KCND3: variants seen among roughly 807,000 people sequenced by gnomAD.
KCND3 encodes the protein A-type voltage-gated potassium channel KCND3.
A neutral mutation model predicts 51.1 loss-of-function variants in KCND3; 9 were observed. That is an observed-to-expected ratio of 0.18 (90% CI 0.11 to 0.31). The LOEUF (loss-of-function observed/expected upper bound fraction) is 0.31, where lower values mean the gene tolerates loss of function less well. Ranked by LOEUF, KCND3 falls within the 10% of genes least tolerant of loss-of-function variation. The pLI is 1.00. For synonymous variants in KCND3, 349 were observed against 368.0 expected, an observed-to-expected ratio of 0.95 and a Z score of 0.59; for missense variants, 526 against 903.8, an observed-to-expected ratio of 0.58 and a Z score of 5.36.
intron 2 of KCND3, among the ~76,000 whole-genome samples, chr1:111,808,011 T>G (rs1665661143): frequency 6.6e-6 from 1 of 152,102 alleles, no homozygotes; most frequent in African/African-American, 2.4e-5. Context: ...ATTCTAGAAC[T>G]AAAAAGCACA....
chr1:111,895,708 C>G (rs566057138), intron 2 of KCND3, among the ~76,000 whole-genome samples: 23 of 152,282 alleles, frequency 1.5e-4, no homozygotes, highest in Non-Finnish European at 2.6e-4. Flanking sequence ...GCGCGCCTGC[C>G]GTGGGGAGTG....
Position 111,775,884 on chromosome 1 carries a change from G to A in KCND3, c.*193C>T, listed in dbSNP as rs72548735. On this transcript the variant is annotated 3_prime_UTR_variant, in exon 8 of 8. Transcript: ENST00000302127. ...TGCAGTATCACAGGGCTATGTCCAC[G>A]CTAGCAGCGTGAACCTCAGGTGCCC... The A allele has an allele frequency of 8.7e-4, 406 of 467,058 alleles. 2 individuals carry two copies. Among genetic ancestry groups the A allele is most frequent in the African/African-American group, 7.6e-3 (332 of 43,922 alleles). The allele number at this position is 467,058 out of a possible 1,614,324, so 28.9% of individuals were successfully genotyped here. A position where few individuals can be genotyped will look rare whatever the true frequency, so the allele number is the denominator to read the frequency against.
intron 2 of KCND3, among the ~76,000 whole-genome samples, chr1:111,888,507 C>T (rs1669669490): frequency 1.3e-5 from 2 of 151,930 alleles, no homozygotes; most frequent in Non-Finnish European, 2.9e-5. Context: ...CATGGAGAAA[C>T]CCAGTCTCTA....
chr1:111,844,410 T>C (rs1667460037), intron 2 of KCND3, among the ~76,000 whole-genome samples: 1 of 152,076 alleles, frequency 6.6e-6, no homozygotes, highest in Admixed American at 6.5e-5. Flanking sequence ...CACACGTCTA[T>C]CCTCTTTTTG....
At chr1:111,972,876 C>T (rs1006734426) in intron 2 of KCND3, among the ~76,000 whole-genome samples, 1 of 152,170 alleles carries the variant, frequency 6.6e-6, no homozygotes, top group Non-Finnish European at 1.5e-5. Context: ...TTGTGCTGTC[C>T]ATGGTTTTGA....
intron 2 of KCND3, among the ~76,000 whole-genome samples, chr1:111,943,828 G>A (rs1672649242): frequency 6.6e-6 from 1 of 152,212 alleles, no homozygotes. Context: ...GGAAGAAACT[G>A]ATGCTGAGGA....
intron 2 of KCND3, among the ~76,000 whole-genome samples, chr1:111,828,611 C>T (rs1381015220): frequency 1.3e-5 from 2 of 152,246 alleles, no homozygotes; most frequent in East Asian, 1.9e-4. Flanking sequence ...CTGAGTAGGA[C>T]CTATCTTCAC....
In KCND3 at chr1:111,780,616, T is replaced by C. The variant is rs1200503998; in HGVS notation, c.1371+74A>G. 4.7e-6 allele frequency: 6 copies of C among 1,281,452 alleles called. No homozygotes were observed. The highest frequency in any genetic ancestry group is 6.7e-6 in the Non-Finnish European group (6 of 899,710). 79.4% of individuals were successfully genotyped at this position (1,281,452 alleles called of 1,614,324 possible). A position where few individuals can be genotyped will look rare whatever the true frequency, so the allele number is the denominator to read the frequency against. ...CATACTGGGGCTCTGGTGAGAGTGC[T>C]GGTGTCCCGGGAAAGAGAAAACAAG... On this transcript the variant is annotated intron_variant, in intron 4 of 7. Transcript: ENST00000302127. The surrounding 1 kb of genome is among the most constrained non-coding windows in gnomAD (Gnocchi z 4.2).
At chr1:111,823,001 T>G (rs1235159941) in intron 2 of KCND3, among the ~76,000 whole-genome samples, 4 of 152,202 alleles carry the variant, frequency 2.6e-5, no homozygotes, top group Non-Finnish European at 4.4e-5. Context: ...TCACACGGTT[T>G]ATAAGTGTGG....
intron 2 of KCND3, among the ~76,000 whole-genome samples, chr1:111,967,714 A>G (rs1165764624): frequency 6.6e-6 from 1 of 152,244 alleles, no homozygotes; most frequent in African/African-American, 2.4e-5. Context: ...TATCCAGGCT[A>G]CTGGGCTAAT....
intron 2 of KCND3, among the ~76,000 whole-genome samples, chr1:111,815,389 C>T (rs1666041223): frequency 6.6e-6 from 1 of 151,908 alleles, no homozygotes; most frequent in Admixed American, 6.6e-5. Context: ...TTCTCTGAAT[C>T]CTCTTCCCAA....
At chr1:111,862,719 G>T (rs1668392678) in intron 2 of KCND3, among the ~76,000 whole-genome samples, 1 of 152,188 alleles carries the variant, frequency 6.6e-6, no homozygotes, top group Non-Finnish European at 1.5e-5. Context: ...CTTCTCTGTA[G>T]AGTAGGGACA....
chr1:111,838,679 AAACAAC>A (rs376997509), intron 2 of KCND3, among the ~76,000 whole-genome samples: 3 of 151,838 alleles, frequency 2.0e-5, no homozygotes, highest in African/African-American at 2.4e-5. Flanking sequence ...ACAAAAGCAA[AAACAAC>A]AACAACAACA....
intron 2 of KCND3, among the ~76,000 whole-genome samples, chr1:111,826,194 C>G (rs183081054): frequency 1.3e-4 from 20 of 152,184 alleles, no homozygotes; most frequent in Admixed American, 1.2e-3. Flanking sequence ...TGCACGAGCT[C>G]TTTATATATT....
intron 2 of KCND3, among the ~76,000 whole-genome samples, chr1:111,901,251 T>C (rs910906415): frequency 6.6e-6 from 1 of 152,206 alleles, no homozygotes; most frequent in Non-Finnish European, 1.5e-5. Flanking sequence ...TGTGTTATAT[T>C]GCATTCCATT....
chr1:111,772,945 A>C lies in KCND3; in HGVS notation c.*3132T>G, dbSNP rs1054459480. On this transcript the variant is annotated 3_prime_UTR_variant, in exon 8 of 8. Coordinates refer to ENST00000302127, the MANE Select transcript of KCND3 (RefSeq NM_001378969.1). ...CACTGGCCAATGAGTTAGACTTATG[A>C]AACCAATTCAGCATACTTTGGACCT... is the stretch of plus-strand genomic sequence containing the variant. 8.5e-5 allele frequency: 13 copies of C among 152,240 alleles called. No homozygotes were observed. Among genetic ancestry groups the C allele is most frequent in the Admixed American group, 4.6e-4 (7 of 15,282 alleles). The allele number at this position is 152,240 out of a possible 1,614,324, so 9.4% of individuals were successfully genotyped here. A position where few individuals can be genotyped will look rare whatever the true frequency, so the allele number is the denominator to read the frequency against.
intron 2 of KCND3, among the ~76,000 whole-genome samples, chr1:111,861,210 G>C (rs1330583158): frequency 6.6e-6 from 1 of 152,128 alleles, no homozygotes; most frequent in Non-Finnish European, 1.5e-5. Flanking sequence ...GATAACAATG[G>C]GGTAGGGGCT....
intron 2 of KCND3, among the ~76,000 whole-genome samples, chr1:111,921,889 G>T (rs969735049): frequency 1.3e-5 from 2 of 152,146 alleles, no homozygotes; most frequent in African/African-American, 4.8e-5. Flanking sequence ...ATAAACCAGG[G>T]GTCTGAGCTC....
At chr1:111,957,364 G>A (rs1009097704) in intron 2 of KCND3, among the ~76,000 whole-genome samples, 4 of 152,206 alleles carry the variant, frequency 2.6e-5, no homozygotes, top group South Asian at 2.1e-4. Flanking sequence ...GGAACAAAGC[G>A]GTGTGGCAGA....
Sources: allele counts gnomAD v4.1 joint callset (sites outside exome capture counted in the v4.1 genomes callset), GRCh38; gene constraint gnomAD v4.1.1; non-coding constraint Gnocchi (gnomAD v3.1); transcripts MANE v1.5; gene names NCBI Gene and HGNC (gene_info 2026-07-23, HGNC 2026-07-21).